Variants in ARNT2 observed in about 807,000 individuals in gnomAD.
The protein encoded by ARNT2 is aryl hydrocarbon receptor nuclear translocator 2.
In ARNT2, 36 loss-of-function variants were observed where a neutral mutation model predicts 91.7. That is an observed-to-expected ratio of 0.39 (90% CI 0.30 to 0.52). The LOEUF is 0.52. Ranked by LOEUF, ARNT2 falls within the 20% of genes least tolerant of loss-of-function variation. The pLI is 0.72. For missense variants in ARNT2, 775 were observed against 939.3 expected (o/e 0.83, Z 2.29); for synonymous variants, 365 against 347.1 (o/e 1.05, Z -0.57).
chr15:80,453,788 G>A (rs895254589), intron 2 of ARNT2, among the ~76,000 whole-genome samples: 1 of 152,136 alleles, frequency 6.6e-6, no homozygotes. Context: ...AGAGAGAGAG[G>A]GGAAAGAAGA....
intron 1 of ARNT2, among the ~76,000 whole-genome samples, chr15:80,444,086 G>A (rs1896242350): frequency 6.6e-6 from 1 of 152,216 alleles, no homozygotes; most frequent in Admixed American, 6.5e-5. Flanking sequence ...GGAAATCGAG[G>A]TGAGGGTCCT....
chr15:80,428,718 T>C (rs1262291995), intron 1 of ARNT2, among the ~76,000 whole-genome samples: 1 of 152,214 alleles, frequency 6.6e-6, no homozygotes, highest in African/African-American at 2.4e-5. Context: ...AGCAGGATTC[T>C]GAAGGAAACA....
At chr15:80,458,599 TG>T (rs1896511229) in intron 3 of ARNT2, among the ~76,000 whole-genome samples, 1 of 151,954 alleles carries the variant, frequency 6.6e-6, no homozygotes, top group Admixed American at 6.6e-5. Context: ...TGCTGGATCA[TG>T]AATGTCCATG....
chr15:80,436,906 G>T (rs1003024473), intron 1 of ARNT2, among the ~76,000 whole-genome samples: 4 of 152,266 alleles, frequency 2.6e-5, no homozygotes, highest in Admixed American at 6.5e-5. Context: ...ACAGTGTTTA[G>T]AATCCACGAA....
intron 1 of ARNT2, among the ~76,000 whole-genome samples, chr15:80,409,426 C>G (rs1035441947): frequency 6.6e-6 from 1 of 152,170 alleles, no homozygotes; most frequent in Non-Finnish European, 1.5e-5. Context: ...GTTTTGGTGC[C>G]GAAGAATATT....
chr15:80,568,579 C>T (rs1898528395), intron 12 of ARNT2, among the ~76,000 whole-genome samples: 1 of 152,182 alleles, frequency 6.6e-6, no homozygotes, highest in Admixed American at 6.5e-5. Flanking sequence ...GGCAGTGGAG[C>T]ATAGGGGTGG....
chr15:80,573,919 C>A (rs761694350), intron 12 of ARNT2: 1 of 537,494 alleles, frequency 1.9e-6, no homozygotes, highest in Middle Eastern at 3.0e-4. Context: ...TGAAGTCACA[C>A]GTCAAAATTG....
intron 17 of ARNT2, among the ~76,000 whole-genome samples, chr15:80,582,150 G>A (rs1898810692): frequency 6.6e-6 from 1 of 152,106 alleles, no homozygotes; most frequent in Non-Finnish European, 1.5e-5. Context: ...ATTTCCACGT[G>A]GCAAGTTAAA....
chr15:80,496,501 G>A (rs1413205213), intron 5 of ARNT2, among the ~76,000 whole-genome samples: 1 of 152,142 alleles, frequency 6.6e-6, no homozygotes, highest in Admixed American at 6.5e-5. Context: ...AATTAGTAGT[G>A]GATAAATAAG....
At chr15:80,542,772 G>A (rs1351737017) in intron 8 of ARNT2, among the ~76,000 whole-genome samples, 1 of 152,140 alleles carries the variant, frequency 6.6e-6, no homozygotes, top group Non-Finnish European at 1.5e-5. Flanking sequence ...CCAAAGGATA[G>A]GACTGAGAAG....
intron 1 of ARNT2, among the ~76,000 whole-genome samples, chr15:80,420,019 C>A (rs894005180): frequency 5.3e-5 from 8 of 152,140 alleles, no homozygotes; most frequent in African/African-American, 1.9e-4. Flanking sequence ...ATGGTCACAG[C>A]ACCCGCACCT....
At chr15:80,580,869 G>A (rs1423816573) in intron 16 of ARNT2, among the ~76,000 whole-genome samples, 1 of 152,202 alleles carries the variant, frequency 6.6e-6, no homozygotes, top group Non-Finnish European at 1.5e-5. Context: ...CCTGCGCCAG[G>A]AGGGCATGAA....
intron 8 of ARNT2, among the ~76,000 whole-genome samples, chr15:80,516,150 C>T (rs534465751): frequency 2.0e-5 from 3 of 152,258 alleles, no homozygotes; most frequent in East Asian, 1.9e-4. Context: ...GGATGACAGG[C>T]GTGAGCCACC....
intron 1 of ARNT2, among the ~76,000 whole-genome samples, chr15:80,431,571 G>A (rs966626169): frequency 2.0e-5 from 3 of 152,196 alleles, no homozygotes; most frequent in Admixed American, 6.5e-5. Context: ...TAGGGGAGTG[G>A]GCCGGAAGAT....
intron 3 of ARNT2, among the ~76,000 whole-genome samples, chr15:80,467,056 T>G (rs771458161): frequency 1.3e-5 from 2 of 152,346 alleles, no homozygotes; most frequent in South Asian, 4.1e-4. Flanking sequence ...CAAGTGTGCG[T>G]CAGCCCTGCA....
At chr15:80,578,277 G>A (rs1898720490) in intron 15 of ARNT2, among the ~76,000 whole-genome samples, 2 of 152,270 alleles carry the variant, frequency 1.3e-5, no homozygotes, top group African/African-American at 2.4e-5. Flanking sequence ...CTTCAGCTAG[G>A]CCTGAAAGCA....
chr15:80,577,039 A>T, intron 15 of ARNT2, 74 bp downstream of exon 15: 1 of 1,412,738 alleles, frequency 7.1e-7, no homozygotes, highest in Non-Finnish European at 1.0e-6. Context: ...CTCAGAGCAC[A>T]GCTCTGTGGG....
chr15:80,470,856 A>G (rs951158382), intron 4 of ARNT2, among the ~76,000 whole-genome samples: 1 of 152,256 alleles, frequency 6.6e-6, no homozygotes, highest in Non-Finnish European at 1.5e-5. Context: ...CAGAATGGCT[A>G]TTACTAAAAA....
At chr15:80,522,760 C>CACACATATATATATATAT in intron 8 of ARNT2, among the ~76,000 whole-genome samples, 1 of 144,540 alleles carries the variant, frequency 6.9e-6, no homozygotes, top group African/African-American at 2.6e-5. Flanking sequence ...TGTACATACA[C>CACACATATATATATATAT]ATATATATAT....
Sources: gnomAD v4.1 joint callset for allele counts (sites outside exome capture counted in the v4.1 genomes callset) on GRCh38, gnomAD v4.1.1 for gene constraint, MANE v1.5 for transcripts, NCBI Gene and HGNC (gene_info 2026-07-23, HGNC 2026-07-21) for gene names.